Variants in ZNF718 observed in about 807,000 individuals in gnomAD.
ZNF718 encodes zinc finger protein 718.
In ZNF718, 3 loss-of-function variants were observed where a neutral mutation model predicts 2.6. That is an observed-to-expected ratio of 1.16 (90% confidence interval 0.53 to 3.01). The LOEUF (loss-of-function observed/expected upper bound fraction) is 3.01. Ranked by LOEUF, ZNF718 falls within the 30% of genes most tolerant of loss-of-function variation. The pLI, the probability that ZNF718 is intolerant of heterozygous loss-of-function variation, is 0.03. For synonymous variants in ZNF718, 135 were observed against 77.9 expected (o/e 1.73, Z -3.86); for missense variants, 468 against 230.0 (o/e 2.03, Z -6.69).
At chr4:151,825 A>G (rs1404463414) in intron 3 of ZNF718, among the ~76,000 whole-genome samples, 1 of 151,336 alleles carries the variant, frequency 6.6e-6, no homozygotes, top group Non-Finnish European at 1.5e-5. Flanking sequence ...AGACACAGAG[A>G]CAAAGTATAG....
At chr4:171,603 A>T (rs545545861) in intron 3 of ZNF718, among the ~76,000 whole-genome samples, 2 of 152,296 alleles carry the variant, frequency 1.3e-5, no homozygotes, top group African/African-American at 4.8e-5. Context: ...CTGCTGTGCT[A>T]GCAGTGAGTG....
downstream of ZNF718, among the ~76,000 whole-genome samples, chr4:168,472 A>G (rs1224417511): frequency 2.0e-5 from 3 of 152,210 alleles, no homozygotes; most frequent in Non-Finnish European, 4.4e-5. Context: ...CTGTGAATCC[A>G]TCTGGTGCTG....
Position 181,022 on chromosome 4 carries a change from T to G in ZNF718, c.227-20059T>G, listed in dbSNP as rs542012071. On this transcript the variant is annotated intron_variant and NMD_transcript_variant, in intron 3 of 4. Transcript: ENST00000642529. ...TGTTTTTCTGTTTCATGAAGTAGTATTCTTTATTTTTCTCTTGTTTTGAGA... is the reference window on the plus strand; with the variant it reads ...TGTTTTTCTGTTTCATGAAGTAGTAGTCTTTATTTTTCTCTTGTTTTGAGA... Among the ~76,000 whole-genome samples, 7 of 152,214 alleles carry G rather than the reference T, an allele frequency of 4.6e-5. No homozygotes were observed. In the East Asian group the frequency reaches 5.8e-4, roughly 13 times the overall value.
chr4:191,241 G>A lies in ZNF718; in HGVS notation c.227-9840G>A, dbSNP rs150919534. Among the ~76,000 whole-genome samples, 716 of 146,358 alleles carry A rather than the reference G, an allele frequency of 4.9e-3. 3 individuals carry two copies. Among genetic ancestry groups the A allele is most frequent in the African/African-American group, 0.017 (660 of 39,388 alleles). ...TCGGCTCACTGCAACCTCCGCTTCC[G>A]GGGTTCAAGCAATTCTCCTGTCTCA... On this transcript the variant is annotated intron_variant and NMD_transcript_variant, in intron 3 of 4. Transcript: ENST00000642529.
intron 1 of ZNF718, chr4:124,988 C>A (rs1304207897): frequency 3.1e-6 from 1 of 321,792 alleles, no homozygotes; most frequent in Non-Finnish European, 5.9e-6. Flanking sequence ...GGAATCCCGT[C>A]CCTACTTTAC....
At chr4:188,681 CAGGCCCA>C (rs1226730294) in intron 3 of ZNF718, among the ~76,000 whole-genome samples, 1 of 152,186 alleles carries the variant, frequency 6.6e-6, no homozygotes, top group Non-Finnish European at 1.5e-5. Context: ...CTCTGTGTGT[CAGGCCCA>C]AGGCCCTGGT....
rs546094574 is a variant in ZNF718 at position 134,630 on chromosome 4, C to T, written c.226+3125C>T. On this transcript the variant is annotated intron_variant, in intron 3 of 3. Coordinates refer to ENST00000510175, the MANE Select transcript of ZNF718 (RefSeq NM_001039127.6). ...TATTTGTGTCTACTGAAATTTCTGT[C>T]ATTAACATCTTATTGTATTTAGTGT... 2.6e-5 allele frequency among the ~76,000 whole-genome samples: 4 copies of T among 152,154 alleles called. No individual in the cohort carries two copies. The South Asian group carries it at 6.2e-4, about 24-fold the overall frequency.
At chr4:154,206 T>C (rs1418781806) in intron 3 of ZNF718, among the ~76,000 whole-genome samples, 1 of 152,192 alleles carries the variant, frequency 6.6e-6, no homozygotes, top group Non-Finnish European at 1.5e-5. Flanking sequence ...GAACTGTGAG[T>C]CCATTAAACC....
In ZNF718 at chr4:161,816, T is replaced by C. The variant is rs569429704; in HGVS notation, c.1131T>C (p.Asn377=). The C allele has an allele frequency of 1.4e-5, 11 of 780,522 alleles. No individual in the cohort carries two copies. The highest frequency in any genetic ancestry group is 3.4e-5 in the African/African-American group (2 of 59,142). The allele number at this position is 780,522 out of a possible 1,614,324, so 48.3% of individuals were successfully genotyped here. A position where few individuals can be genotyped will look rare whatever the true frequency, so the allele number is the denominator to read the frequency against. ...GTGAAGAATGTGGAAAAGCCTTTAA[T>C]TGGTCCTCAACCCTTAATGTACACA... ...YTCEECGKAF[N]WSSTLNVHKR... is the part of the protein sequence containing the mutation. Residue 377 remains asparagine, a synonymous_variant, in exon 4 of 4, where the codon AAT becomes AAC. Coordinates refer to ENST00000510175, the MANE Select transcript of ZNF718 (RefSeq NM_001039127.6).
intron 3 of ZNF718, among the ~76,000 whole-genome samples, chr4:172,913 G>A (rs1416244303): frequency 6.6e-6 from 1 of 151,910 alleles, no homozygotes; most frequent in Non-Finnish European, 1.5e-5. Flanking sequence ...GCCATGGTGG[G>A]GTGCACCTGT....
intron 3 of ZNF718, among the ~76,000 whole-genome samples, chr4:199,626 C>T (rs1412064665): frequency 1.3e-5 from 2 of 152,216 alleles, no homozygotes; most frequent in Non-Finnish European, 1.5e-5. Context: ...TACAGGATTA[C>T]AGGAAAATAA....
chr4:195,150 C>T (rs1328313704), intron 3 of ZNF718, among the ~76,000 whole-genome samples: 1 of 152,192 alleles, frequency 6.6e-6, no homozygotes, highest in African/African-American at 2.4e-5. Context: ...CATCAAGATG[C>T]ATCCCTATAA....
At chr4:173,258 A>T (rs1364451339) in intron 3 of ZNF718, among the ~76,000 whole-genome samples, 1 of 152,040 alleles carries the variant, frequency 6.6e-6, no homozygotes, top group African/African-American at 2.4e-5. Context: ...GCTGTAATGT[A>T]ATTAAATATT....
chr4:133,627 T>G (rs1715429059), intron 3 of ZNF718, among the ~76,000 whole-genome samples: 1 of 152,208 alleles, frequency 6.6e-6, no homozygotes, highest in Non-Finnish European at 1.5e-5. Context: ...TTGGAAACAG[T>G]AAGTGAAGCA....
chr4:166,924 C>G (rs1428526381), downstream of ZNF718, among the ~76,000 whole-genome samples: 1 of 152,144 alleles, frequency 6.6e-6, no homozygotes, highest in South Asian at 2.1e-4. Context: ...GAAGTGCTTG[C>G]CCATGCCTGC....
intron 3 of ZNF718, among the ~76,000 whole-genome samples, chr4:198,854 G>A (rs1160982360): frequency 3.9e-5 from 6 of 152,116 alleles, no homozygotes; most frequent in Admixed American, 3.3e-4. Context: ...ATTAACTGAT[G>A]GTGACTGTGT....
Position 159,617 on chromosome 4 carries a change from T to C in ZNF718, c.227-1295T>C, listed in dbSNP as rs376440632. On this transcript the variant is annotated intron_variant, in intron 3 of 3. Transcript: ENST00000510175. Reference sequence around the variant, plus strand: ...ACTTTTGAAAATGTCTCAGTCATTATTGTTGTATTTTTCACCTTCATGACT... The same window carrying C: ...ACTTTTGAAAATGTCTCAGTCATTACTGTTGTATTTTTCACCTTCATGACT... Among the ~76,000 whole-genome samples the C allele has an allele frequency of 3.9e-5, 6 of 152,108 alleles. 1 individual carries two copies. Among genetic ancestry groups the C allele is most frequent in the Admixed American group, 6.5e-5 (1 of 15,296 alleles).
At chr4:156,379 A>G (rs1165869340) in intron 3 of ZNF718, among the ~76,000 whole-genome samples, 1 of 152,016 alleles carries the variant, frequency 6.6e-6, no homozygotes, top group Admixed American at 6.6e-5. Flanking sequence ...TTTACCCTCT[A>G]TTTATTTGTG....
chr4:152,201 G>T (rs1168940223), intron 3 of ZNF718, among the ~76,000 whole-genome samples: 5 of 145,352 alleles, frequency 3.4e-5, no homozygotes, highest in African/African-American at 5.1e-5. Flanking sequence ...CATTGCCCAG[G>T]GACAGGCAGG....
Sources: allele counts gnomAD v4.1 joint callset (sites outside exome capture counted in the v4.1 genomes callset), GRCh38; gene constraint gnomAD v4.1.1; transcripts MANE v1.5; gene names NCBI Gene and HGNC (gene_info 2026-07-23, HGNC 2026-07-21).